The following FGD5 variants were observed in gnomAD, a reference collection of about 807,000 sequenced individuals.
FGD5 encodes FYVE, RhoGEF and PH domain-containing protein 5.
In FGD5, 28 loss-of-function variants were observed where a neutral mutation model predicts 133.4. That is an observed-to-expected ratio of 0.21 (90% confidence interval 0.16 to 0.29). The LOEUF (loss-of-function observed/expected upper bound fraction) is 0.29. Ranked by LOEUF, FGD5 falls within the 10% of genes least tolerant of loss-of-function variation. The probability of loss-of-function intolerance (pLI) is 1.00; values close to 1 mark genes in which losing one functional copy is unlikely to be tolerated. For synonymous variants in FGD5, 810 were observed against 776.5 expected (o/e 1.04, Z -0.72); for missense variants, 1,858 against 1,895.2 (o/e 0.98, Z 0.36).
chr3:14,872,429 G>GGAA lies in FGD5; in HGVS notation c.2659-8141_2659-8139dup, dbSNP rs2037630120. On this transcript the variant is annotated intron_variant, in intron 2 of 19. Transcript: ENST00000285046. ...GTAAGGTGGCTGTTCTCATGGGCTG[G>GGAA]GAAGTATAGCCTCTGGCTAAAGCCT... Among the ~76,000 whole-genome samples, 12 of 152,308 alleles carry GGAA rather than the reference G, an allele frequency of 7.9e-5. No individual in the cohort carries two copies. In the South Asian group the frequency reaches 2.5e-3, roughly 32 times the overall value.
chr3:14,911,851 G>A (rs2038454821), intron 11 of FGD5, among the ~76,000 whole-genome samples: 1 of 150,712 alleles, frequency 6.6e-6, no homozygotes, highest in South Asian at 2.1e-4. Flanking sequence ...CCACAGCCAC[G>A]GCAGCGCCGC....
intron 1 of FGD5, among the ~76,000 whole-genome samples, chr3:14,846,160 G>A (rs1575204726): frequency 6.6e-6 from 1 of 152,206 alleles, no homozygotes; most frequent in Non-Finnish European, 1.5e-5. Context: ...AACCCGTGTG[G>A]CTGGTGCAAT....
intron 1 of FGD5, among the ~76,000 whole-genome samples, chr3:14,832,287 T>C (rs7653784): frequency 0.78 from 118,747 of 152,160 alleles, 46,813 homozygotes; most frequent in African/African-American, 0.88. Context: ...CATAGAGCTC[T>C]CCCTGCACCA....
chr3:14,907,521 G>A (rs1480597608), intron 9 of FGD5, 119 bp from the exon 10 acceptor site: 4 of 863,116 alleles, frequency 4.6e-6, no homozygotes, highest in Admixed American at 5.3e-5. Flanking sequence ...TGGATTTGGG[G>A]CAGGCCTTTC....
intron 2 of FGD5, among the ~76,000 whole-genome samples, chr3:14,873,894 G>A (rs2037664450): frequency 6.6e-6 from 1 of 151,934 alleles, no homozygotes; most frequent in Non-Finnish European, 1.5e-5. Flanking sequence ...ACTAATTTTT[G>A]TATTTTTAGT....
In FGD5 at chr3:14,898,175, G is replaced by A. The variant is rs2038172664; in HGVS notation, c.3066+80G>A. On this transcript the variant is annotated intron_variant, in intron 6 of 19. Coordinates refer to ENST00000285046, the MANE Select transcript of FGD5 (RefSeq NM_152536.4). ...GCGAAGGGCTTAATGCAAATCAGTG[G>A]GACATCTTGGTAGGTGTGGGGCTGG... is the stretch of plus-strand genomic sequence containing the variant. 5 of 1,551,536 alleles carry A rather than the reference G, an allele frequency of 3.2e-6. No individual in the cohort carries two copies. In the South Asian group the frequency reaches 3.5e-5, roughly 11 times the overall value.
At position 14,932,560 on chromosome 3, in the gene FGD5, C is replaced by G. The variant is rs1372017872; in HGVS notation, c.4198-17C>G. 3 of 1,601,726 alleles carry G rather than the reference C, an allele frequency of 1.9e-6. No homozygotes were observed. The Admixed American group carries it at 5.3e-5, about 28-fold the overall frequency. Reference sequence around the variant, plus strand: ...AGTGTGGTGTTTAATGTCAATTTTTCCTTCTGTCCTCTGCAGGACAAAGTG... The same window carrying G: ...AGTGTGGTGTTTAATGTCAATTTTTGCTTCTGTCCTCTGCAGGACAAAGTG... On this transcript the variant is annotated splice_polypyrimidine_tract_variant and intron_variant, in intron 18 of 19. Transcript: ENST00000285046.
intron 1 of FGD5, among the ~76,000 whole-genome samples, chr3:14,858,397 A>ATGGATG (rs1559482630): frequency 3.1e-5 from 3 of 95,908 alleles, no homozygotes; most frequent in East Asian, 3.3e-4. Context: ...ATGGATGGAT[A>ATGGATG]GATAGATGAA....
chr3:14,929,062 T>G (rs2125163911), intron 18 of FGD5, among the ~76,000 whole-genome samples: 1 of 152,320 alleles, frequency 6.6e-6, no homozygotes, highest in East Asian at 1.9e-4. Context: ...GTTCCAATTC[T>G]TTTCCACCAT....
chr3:14,922,536 C>T lies in FGD5; in HGVS notation c.3795C>T (p.His1265=), dbSNP rs149798859. The change falls in exon 15 of 20, where the codon CAC becomes CAT. Residue 1265 remains histidine (H), a synonymous_variant. Coordinates refer to ENST00000285046, the MANE Select transcript of FGD5 (RefSeq NM_152536.4). The surrounding 1 kb of genome is among the most constrained non-coding windows in gnomAD (Gnocchi z 4.1). ...TCACCCTGCGGCGTCATCACTGTCA[C>T]GCCTGTGGCAAGGTGAGTCGCTGCA... ...FSLTLRRHHC[H]ACGKIVCRNC... The T allele has an allele frequency of 0.021, 32,736 of 1,581,348 alleles. 403 individuals carry two copies. Among genetic ancestry groups the T allele is most frequent in the Non-Finnish European group, 0.025 (29,116 of 1,163,874 alleles).
chr3:14,822,489 G>GTT (rs11290454), intron 1 of FGD5, among the ~76,000 whole-genome samples: 79 of 142,350 alleles, frequency 5.5e-4, no homozygotes, highest in Middle Eastern at 3.7e-3. Context: ...ATCCAAGCTT[G>GTT]TTTTTTTTTT....
chr3:14,855,162 A>T (rs919300641), intron 1 of FGD5, among the ~76,000 whole-genome samples: 1 of 152,236 alleles, frequency 6.6e-6, no homozygotes, highest in East Asian at 1.9e-4. Flanking sequence ...ATGTCCTCCA[A>T]TCCCATTCAT....
rs752271607 is a variant in FGD5 at position 14,932,557 on chromosome 3, T to G, written c.4198-20T>G. 6.2e-7 allele frequency: 1 copy of G among 1,602,796 alleles called. No homozygotes were observed. The highest frequency in any genetic ancestry group is 1.3e-5 in the African/African-American group (1 of 74,084). ...CAGAGTGTGGTGTTTAATGTCAATTTTTCCTTCTGTCCTCTGCAGGACAAA... is the reference window on the plus strand; with the variant it reads ...CAGAGTGTGGTGTTTAATGTCAATTGTTCCTTCTGTCCTCTGCAGGACAAA... On this transcript the variant is annotated intron_variant, in intron 18 of 19. Coordinates refer to ENST00000285046, the MANE Select transcript of FGD5 (RefSeq NM_152536.4).
intron 1 of FGD5, among the ~76,000 whole-genome samples, chr3:14,847,456 A>G (rs867690719): frequency 2.6e-4 from 40 of 152,326 alleles, no homozygotes; most frequent in Non-Finnish European, 1.3e-4. Flanking sequence ...GCCGAGCCCA[A>G]TTAGCATCCC....
At chr3:14,814,275 G>A (rs943036225), upstream of FGD5, among the ~76,000 whole-genome samples, 12 of 152,080 alleles carry the variant, frequency 7.9e-5, no homozygotes, top group African/African-American at 2.4e-4. Context: ...CTATAGTTTC[G>A]CCCTACCATA....
At chr3:14,886,409 T>C (rs991278993) in intron 4 of FGD5, among the ~76,000 whole-genome samples, 1 of 152,238 alleles carries the variant, frequency 6.6e-6, no homozygotes, top group Non-Finnish European at 1.5e-5. Context: ...CGGGAAGCTC[T>C]TCCCATGGCG....
chr3:14,926,946 C>T (rs565860543), intron 18 of FGD5, among the ~76,000 whole-genome samples: 35 of 152,306 alleles, frequency 2.3e-4, no homozygotes, highest in African/African-American at 8.4e-4. Flanking sequence ...GCTGGCTCTT[C>T]TCCCCTGGCC....
chr3:14,816,743 CAAG>C (rs2036373941), upstream of FGD5, among the ~76,000 whole-genome samples: 2 of 152,192 alleles, frequency 1.3e-5, no homozygotes, highest in Admixed American at 6.5e-5. Flanking sequence ...TGTACGGAAA[CAAG>C]GAGTTTGATA....
chr3:14,888,357 A>G (rs9882368), intron 4 of FGD5, among the ~76,000 whole-genome samples: 5,200 of 152,258 alleles, frequency 0.034, 125 homozygotes, highest in African/African-American at 0.06. Context: ...TAACAGAAAC[A>G]TACAGGATAC....
Sources: allele counts gnomAD v4.1 joint callset (sites outside exome capture counted in the v4.1 genomes callset), GRCh38; gene constraint gnomAD v4.1.1; non-coding constraint Gnocchi (gnomAD v3.1); transcripts MANE v1.5; gene names NCBI Gene and HGNC (gene_info 2026-07-23, HGNC 2026-07-21).